The following EXOC2 variants were observed in gnomAD, a reference collection of about 807,000 sequenced individuals.
The protein encoded by EXOC2 is exocyst complex component 2, also known as SEC5-like 1.
In EXOC2, 70 loss-of-function variants were observed where a neutral mutation model predicts 131.8. The observed-to-expected ratio is 0.53, with a 90% CI of 0.44 to 0.65. The LOEUF (loss-of-function observed/expected upper bound fraction) is 0.65, where lower values mean the gene tolerates loss of function less well. Among genes scored for constraint, EXOC2 ranks in the 30% least tolerant of loss-of-function variants. The pLI, the probability that EXOC2 is intolerant of heterozygous loss-of-function variation, is 0.00. For missense variants in EXOC2, 923 were observed against 1,108.6 expected (o/e 0.83, Z 2.38); for synonymous variants, 411 against 398.4 (o/e 1.03, Z -0.38).
At chr6:589,234 G>A (rs1320617989) in intron 11 of EXOC2, among the ~76,000 whole-genome samples, 2 of 152,040 alleles carry the variant, frequency 1.3e-5, no homozygotes, top group African/African-American at 4.8e-5. Context: ...TGTCTGGAAC[G>A]CTTCTCAATG....
At chr6:658,509 C>T (rs1763242137) in intron 1 of EXOC2, among the ~76,000 whole-genome samples, 1 of 151,604 alleles carries the variant, frequency 6.6e-6, no homozygotes, top group South Asian at 2.1e-4. Context: ...CTTATCTGTT[C>T]CATACACTGC....
chr6:493,051 T>G (rs1255103465), intron 25 of EXOC2, among the ~76,000 whole-genome samples: 1 of 152,182 alleles, frequency 6.6e-6, no homozygotes, highest in African/African-American at 2.4e-5. Context: ...CTGAAGTAGG[T>G]GCCCACAGTG....
chr6:666,133 CAA>C (rs540626424), intron 1 of EXOC2, among the ~76,000 whole-genome samples: 1 of 152,104 alleles, frequency 6.6e-6, no homozygotes, highest in Admixed American at 6.5e-5. Flanking sequence ...CTGCCCTTCA[CAA>C]AAAGAGTGTG....
chr6:656,230 A>G (rs757817248), intron 1 of EXOC2: 1 of 1,614,152 alleles, frequency 6.2e-7, no homozygotes, highest in East Asian at 2.2e-5. Context: ...CCCTCCAAAA[A>G]CTGCAGAAGC....
chr6:674,732 T>C (rs76473286), intron 1 of EXOC2, among the ~76,000 whole-genome samples: 1 of 140,362 alleles, frequency 7.1e-6, no homozygotes, highest in South Asian at 2.2e-4. Context: ...GTTTGTTTGT[T>C]TGTTTGTTTG....
At chr6:616,080 A>C (rs898094343) in intron 6 of EXOC2, among the ~76,000 whole-genome samples, 1 of 152,234 alleles carries the variant, frequency 6.6e-6, no homozygotes, top group Non-Finnish European at 1.5e-5. Context: ...GCAACTTTAC[A>C]TATCAGCTCT....
chr6:506,739 A>T lies in EXOC2; in HGVS notation c.2381-7039T>A, dbSNP rs1008902425. Among the ~76,000 whole-genome samples, 2 of 152,124 alleles carry T rather than the reference A, an allele frequency of 1.3e-5. No homozygotes were observed. Among genetic ancestry groups the T allele is most frequent in the Non-Finnish European group, 2.9e-5 (2 of 68,024 alleles). Reference sequence around the variant, plus strand: ...ATTCCCCATGGAGAAAACAAGGCTCATCTCTACTGAGCAAGAACTTGTAGG... The same window carrying T: ...ATTCCCCATGGAGAAAACAAGGCTCTTCTCTACTGAGCAAGAACTTGTAGG... On this transcript the variant is annotated intron_variant, in intron 23 of 27. Transcript: ENST00000230449. This position sits in a 1 kb window ranked among gnomAD's most constrained non-coding sequence, Gnocchi z 4.4.
chr6:501,109 T>TTATATA (rs1491586466), intron 23 of EXOC2, among the ~76,000 whole-genome samples: 1 of 87,630 alleles, frequency 1.1e-5, no homozygotes, highest in Non-Finnish European at 2.2e-5. Context: ...GATATATATA[T>TTATATA]TATATATATC....
intron 22 of EXOC2, among the ~76,000 whole-genome samples, chr6:541,835 C>A (rs1365336364): frequency 6.6e-6 from 1 of 152,134 alleles, no homozygotes; most frequent in Non-Finnish European, 1.5e-5. Flanking sequence ...CGGAAAATAC[C>A]ACTACCAGAG....
At chr6:671,098 T>C (rs949470284) in intron 1 of EXOC2, among the ~76,000 whole-genome samples, 3 of 146,642 alleles carry the variant, frequency 2.0e-5, no homozygotes, top group African/African-American at 5.0e-5. Context: ...GGCTCACGCC[T>C]GTAATCCCAA....
intron 1 of EXOC2, among the ~76,000 whole-genome samples, chr6:678,497 C>T (rs1017168696): frequency 6.6e-6 from 1 of 152,212 alleles, no homozygotes; most frequent in Non-Finnish European, 1.5e-5. Context: ...CGCTGACACG[C>T]CAGAGACTGG....
chr6:656,843 C>G (rs1195721255), intron 1 of EXOC2: 1 of 1,610,690 alleles, frequency 6.2e-7, no homozygotes, highest in Non-Finnish European at 8.5e-7. Context: ...TGTCAGGGCG[C>G]ACGCGGAGCA....
intron 1 of EXOC2, among the ~76,000 whole-genome samples, chr6:650,813 C>G (rs980711252): frequency 1.3e-5 from 2 of 152,028 alleles, no homozygotes; most frequent in African/African-American, 4.8e-5. Flanking sequence ...CAAGACAAAG[C>G]AACAGAACTA....
chr6:527,940 A>G (rs1765844014), intron 23 of EXOC2, among the ~76,000 whole-genome samples: 1 of 152,200 alleles, frequency 6.6e-6, no homozygotes. Context: ...CAAAGACGTG[A>G]ACTTCAATGT....
chr6:664,989 A>C (rs1433129318), intron 1 of EXOC2, among the ~76,000 whole-genome samples: 1 of 152,210 alleles, frequency 6.6e-6, no homozygotes, highest in African/African-American at 2.4e-5. Flanking sequence ...ACAGCAGAGT[A>C]AACAGACAAC....
intron 12 of EXOC2, among the ~76,000 whole-genome samples, chr6:573,420 C>T (rs1758398855): frequency 6.6e-6 from 1 of 152,166 alleles, no homozygotes; most frequent in Non-Finnish European, 1.5e-5. Flanking sequence ...CCGCCCCGCA[C>T]TCCACTCGGT....
intron 6 of EXOC2, among the ~76,000 whole-genome samples, chr6:614,740 A>G (rs900569036): frequency 6.6e-6 from 1 of 152,196 alleles, no homozygotes; most frequent in African/African-American, 2.4e-5. Flanking sequence ...TAAATAAGCT[A>G]TATTTAAATA....
At chr6:677,241 A>G (rs1764188053) in intron 1 of EXOC2, among the ~76,000 whole-genome samples, 3 of 151,790 alleles carry the variant, frequency 2.0e-5, no homozygotes, top group Admixed American at 1.3e-4. Flanking sequence ...CATACTCTTC[A>G]ACATTACGGA....
chr6:651,090 G>A (rs1324399027), intron 1 of EXOC2, among the ~76,000 whole-genome samples: 9 of 150,680 alleles, frequency 6.0e-5, no homozygotes, highest in African/African-American at 9.8e-5. Context: ...GGGCAGTAGC[G>A]TGTGATCTCG....
Sources: allele counts gnomAD v4.1 joint callset (sites outside exome capture counted in the v4.1 genomes callset), GRCh38; gene constraint gnomAD v4.1.1; non-coding constraint Gnocchi (gnomAD v3.1); transcripts MANE v1.5; gene names NCBI Gene and HGNC (gene_info 2026-07-23, HGNC 2026-07-21).